TOX: variants seen among roughly 807,000 people sequenced by gnomAD.
The protein encoded by TOX is thymocyte selection associated high mobility group box, also known as thymocyte selection-associated high mobility group box protein TOX.
TOX carries 11 observed loss-of-function variants against 53.7 expected under a neutral mutation model. The observed-to-expected ratio is 0.20, with a 90% CI of 0.13 to 0.34. The LOEUF (loss-of-function observed/expected upper bound fraction) is 0.34, where lower values mean the gene tolerates loss of function less well. TOX is among the 10% of genes least tolerant of loss of function. TOX has a pLI of 1.00. For synonymous variants in TOX, 225 were observed against 245.3 expected (o/e 0.92, Z 0.77); for missense variants, 570 against 664.6 (o/e 0.86, Z 1.56).
intron 1 of TOX, among the ~76,000 whole-genome samples, chr8:59,026,524 A>G (rs560138357): frequency 2.0e-5 from 3 of 152,294 alleles, no homozygotes; most frequent in East Asian, 1.9e-4. Context: ...ATTTCTTTCA[A>G]TCTGATAAAT....
chr8:58,851,809 CAATAAATAAATA>C lies in TOX; in HGVS notation c.412-16_412-5del, dbSNP rs3837195. 2.8e-3 allele frequency: 3,326 copies of C among 1,207,154 alleles called. 105 individuals are homozygous for C. The East Asian group carries it at 0.03, about 11-fold the overall frequency. The allele number at this position is 1,207,154 out of a possible 1,614,324, so 74.8% of individuals were successfully genotyped here. ...CTGGGTTTCGTATATCTGGCATCTACAATAAATAAATAAATAAATAAATAAATAAATAAATAA... is the reference window on the plus strand; with the variant it reads ...CTGGGTTTCGTATATCTGGCATCTACAATAAATAAATAAATAAATAAATAA... On this transcript the variant is annotated splice_polypyrimidine_tract_variant and splice_region_variant and intron_variant, in intron 3 of 8. Transcript: ENST00000361421. This position sits in a 1 kb window ranked among gnomAD's most constrained non-coding sequence, Gnocchi z 4.4.
intron 1 of TOX, among the ~76,000 whole-genome samples, chr8:59,105,917 T>C (rs967299712): frequency 2.0e-5 from 3 of 152,174 alleles, no homozygotes; most frequent in African/African-American, 7.2e-5. Flanking sequence ...AAAGTTACCT[T>C]ACAAAGTAAG....
intron 1 of TOX, among the ~76,000 whole-genome samples, chr8:59,081,026 GTTGTT>G (rs1337079562): frequency 2.6e-5 from 4 of 151,946 alleles, no homozygotes; most frequent in Non-Finnish European, 4.4e-5. Context: ...TGTTTTTGTT[GTTGTT>G]TTGTTTTGTT....
At chr8:58,831,180 C>A (rs118167016) in intron 5 of TOX, among the ~76,000 whole-genome samples, 34 of 152,198 alleles carry the variant, frequency 2.2e-4, no homozygotes, top group South Asian at 8.3e-4. Context: ...ACCGGTTTGA[C>A]CTGTTTCTGG....
In TOX at chr8:59,050,507, A is replaced by AT. The variant is rs530400682; in HGVS notation, c.102+68378dup. On this transcript the variant is annotated intron_variant, in intron 1 of 8. Transcript: ENST00000361421. ...GATTAATGAATTAAGTAGAATCAAA[A>AT]TTATGTAATATTTTATTGAAATTTT... Among the ~76,000 whole-genome samples, 741 of 152,308 alleles carry AT rather than the reference A, an allele frequency of 4.9e-3. 3 individuals are homozygous for AT. Among genetic ancestry groups the AT allele is most frequent in the Non-Finnish European group, 8.3e-3 (565 of 67,990 alleles).
At chr8:59,053,376 T>C (rs1423208484) in intron 1 of TOX, among the ~76,000 whole-genome samples, 1 of 152,198 alleles carries the variant, frequency 6.6e-6, no homozygotes, top group Non-Finnish European at 1.5e-5. Context: ...GCCCGTGTTC[T>C]ACGGCAACCT....
chr8:58,825,559 C>A (rs1335986805), intron 6 of TOX, among the ~76,000 whole-genome samples: 1 of 152,132 alleles, frequency 6.6e-6, no homozygotes, highest in African/African-American at 2.4e-5. Context: ...ATTGAGACTT[C>A]ATGTATTGAT....
At chr8:58,817,084 G>A (rs1271534065) in intron 6 of TOX, among the ~76,000 whole-genome samples, 5 of 152,106 alleles carry the variant, frequency 3.3e-5, no homozygotes, top group African/African-American at 7.2e-5. Context: ...GGACACATCT[G>A]ACACCTGTAA....
At position 58,853,694 on chromosome 8, in the gene TOX, G is replaced by A. The variant is rs75836601; in HGVS notation, c.412-1889C>T. 4.0e-3 allele frequency among the ~76,000 whole-genome samples: 603 copies of A among 152,218 alleles called. 5 individuals carry two copies. Among genetic ancestry groups the A allele is most frequent in the African/African-American group, 0.013 (560 of 41,540 alleles). ...ACTTAAAAATGCATTTTCAAATGTT[G>A]TCTACCCAAATCAACAATGGTTTTA... is the stretch of plus-strand genomic sequence containing the variant. On this transcript the variant is annotated intron_variant, in intron 3 of 8. Coordinates refer to ENST00000361421, the MANE Select transcript of TOX (RefSeq NM_014729.3).
Position 59,021,481 on chromosome 8 carries a change from A to AATAT in TOX, c.103-61477_103-61474dup, listed in dbSNP as rs55755723. Among the ~76,000 whole-genome samples the AATAT allele has an allele frequency of 2.3e-3, 150 of 64,714 alleles. 2 individuals carry two copies. The highest frequency in any genetic ancestry group is 9.6e-3 in the Middle Eastern group (1 of 104). The allele number at this position is 64,714 out of a possible 152,430, so 42.5% of individuals were successfully genotyped here. On this transcript the variant is annotated intron_variant, in intron 1 of 8. Transcript: ENST00000361421. ...CTACAAGCAAAAAAAAAAAAAAAAA[A>AATAT]ATATATATATATATATATGCACATA...
chr8:59,023,392 G>T (rs1339332407), intron 1 of TOX, among the ~76,000 whole-genome samples: 1 of 49,318 alleles, frequency 2.0e-5, no homozygotes, highest in African/African-American at 6.5e-5. Context: ...TCACATAACA[G>T]ATTTTACAAT....
rs529248332 is a variant in TOX, at chr8:59,107,559, G to A, written c.102+11327C>T. Among the ~76,000 whole-genome samples the A allele has an allele frequency of 3.3e-5, 5 of 152,284 alleles. No homozygotes were observed. The East Asian group carries it at 9.6e-4, about 29-fold the overall frequency. On this transcript the variant is annotated intron_variant, in intron 1 of 8. Coordinates refer to ENST00000361421, the MANE Select transcript of TOX (RefSeq NM_014729.3). ...ATCATGCTCTGTAACTGAGAGAGCA[G>A]ATGCATCCTGACCATTAACAGTCAT...
intron 7 of TOX, among the ~76,000 whole-genome samples, chr8:58,814,998 G>C (rs1228238345): frequency 5.3e-5 from 8 of 152,034 alleles, no homozygotes; most frequent in Non-Finnish European, 1.0e-4. Context: ...GGCAGCACTT[G>C]GTATCTTAAA....
intron 1 of TOX, among the ~76,000 whole-genome samples, chr8:59,021,481 A>AAATATATAT (rs59174995): frequency 0.011 from 734 of 64,602 alleles, 8 homozygotes; most frequent in Non-Finnish European, 0.016. Context: ...AAAAAAAAAA[A>AAATATATAT]ATATATATAT....
At chr8:58,888,429 G>C (rs549145947) in intron 3 of TOX, among the ~76,000 whole-genome samples, 3 of 151,966 alleles carry the variant, frequency 2.0e-5, no homozygotes, top group Admixed American at 2.0e-4. Flanking sequence ...ATGGAAATAC[G>C]TGACATGCAC....
At chr8:58,895,820 C>T (rs928045398) in intron 3 of TOX, among the ~76,000 whole-genome samples, 6 of 152,122 alleles carry the variant, frequency 3.9e-5, no homozygotes, top group African/African-American at 1.4e-4. Context: ...TTATTTAATT[C>T]CCTTGAGGCT....
intron 3 of TOX, among the ~76,000 whole-genome samples, chr8:58,898,009 A>G (rs560578794): frequency 1.2e-4 from 18 of 152,356 alleles, no homozygotes; most frequent in African/African-American, 4.1e-4. Context: ...TAGCAATATC[A>G]TAACATTTTA....
chr8:59,078,955 T>C (rs1021793539), intron 1 of TOX, among the ~76,000 whole-genome samples: 1 of 152,226 alleles, frequency 6.6e-6, no homozygotes, highest in African/African-American at 2.4e-5. Context: ...GTGGTATGCG[T>C]TAGCTAGCAA....
Position 58,851,853 on chromosome 8 carries a change from AAGGAG to A in TOX, c.412-53_412-49del. ...TAAATAAATAAATAAATAAATAGGA[AAGGAG>A]TAATTTTAACAAATATGTTTTGGGC... On this transcript the variant is annotated intron_variant, in intron 3 of 8. Transcript: ENST00000361421. This position sits in a 1 kb window ranked among gnomAD's most constrained non-coding sequence, Gnocchi z 4.4. 1 of 1,258,498 alleles carries A rather than the reference AAGGAG, an allele frequency of 7.9e-7. No homozygotes were observed. The allele number at this position is 1,258,498 out of a possible 1,614,324, so 78.0% of individuals were successfully genotyped here.
Sources: gnomAD v4.1 joint callset for allele counts (sites outside exome capture counted in the v4.1 genomes callset) on GRCh38, gnomAD v4.1.1 for gene constraint, Gnocchi (gnomAD v3.1) non-coding constraint, MANE v1.5 for transcripts, NCBI Gene and HGNC (gene_info 2026-07-23, HGNC 2026-07-21) for gene names.